Variants in WIF1 observed in about 807,000 individuals in gnomAD.
The protein encoded by WIF1 is Wnt inhibitory factor 1.
In WIF1, 35 loss-of-function variants were observed where a neutral mutation model predicts 53.5. The observed-to-expected ratio is 0.65, with a 90% CI of 0.50 to 0.87. The LOEUF (loss-of-function observed/expected upper bound fraction) is 0.87, where lower values mean the gene tolerates loss of function less well. Ranked by LOEUF, WIF1 falls within the 40% of genes least tolerant of loss-of-function variation. The probability of loss-of-function intolerance (pLI) is 0.00; values close to 1 mark genes in which losing one functional copy is unlikely to be tolerated. For missense variants in WIF1, 467 were observed against 476.8 expected (o/e 0.98, Z 0.19); for synonymous variants, 171 against 170.4 (o/e 1.00, Z -0.03).
chr12:65,087,104 C>G (rs531227221), intron 2 of WIF1, among the ~76,000 whole-genome samples: 2 of 152,140 alleles, frequency 1.3e-5, no homozygotes, highest in East Asian at 3.8e-4. Flanking sequence ...GAGCCAAGAT[C>G]GCACCACTGC....
intron 2 of WIF1, among the ~76,000 whole-genome samples, chr12:65,091,608 T>A (rs750247150): frequency 6.6e-5 from 10 of 152,088 alleles, no homozygotes; most frequent in Non-Finnish European, 1.2e-4. Context: ...TAAAATGGTA[T>A]TGTGATTAAA....
At chr12:65,072,363 A>G (rs1882797573) in intron 3 of WIF1, among the ~76,000 whole-genome samples, 1 of 152,174 alleles carries the variant, frequency 6.6e-6, no homozygotes, top group African/African-American at 2.4e-5. Context: ...CCTTGCCTAT[A>G]TAATTACATT....
chr12:65,073,805 G>T (rs1438346634), intron 3 of WIF1, among the ~76,000 whole-genome samples: 6 of 152,276 alleles, frequency 3.9e-5, no homozygotes, highest in East Asian at 1.9e-4. Context: ...ATGGTGTAAG[G>T]TTCCCATAAA....
In WIF1 at chr12:65,121,188, C is replaced by T; in HGVS notation, c.4G>A (p.Ala2Thr). The T allele has an allele frequency of 6.5e-7, 1 of 1,529,484 alleles. No homozygotes were observed. Among genetic ancestry groups the T allele is most frequent in the South Asian group, 1.2e-5 (1 of 80,490 alleles). 94.7% of individuals were successfully genotyped at this position (1,529,484 alleles called of 1,614,324 possible). The change falls in exon 1 of 10, where the codon GCC (alanine) becomes ACC (threonine). Residue 2 changes from alanine to threonine, a missense_variant. Physicochemically the swap from Ala to Thr is moderately conservative, Grantham distance 58 (BLOSUM62 0). Transcript: ENST00000286574. MARRSAFPAAAL... is the reference protein window; with the variant it reads MTRRSAFPAAAL... ...GCGGCAGGGAAGGCGCTCCTCCGGG[C>T]CATGCTGCTCAGGACCTCCTCGCTG...
intron 2 of WIF1, among the ~76,000 whole-genome samples, chr12:65,100,567 T>A (rs1883267848): frequency 6.6e-6 from 1 of 152,168 alleles, no homozygotes; most frequent in Admixed American, 6.6e-5. Flanking sequence ...CAAGAGCCCG[T>A]AGAATAATTG....
intron 2 of WIF1, among the ~76,000 whole-genome samples, chr12:65,108,972 C>A (rs1234482390): frequency 6.6e-6 from 1 of 152,174 alleles, no homozygotes; most frequent in Non-Finnish European, 1.5e-5. Flanking sequence ...TTTAAGCATT[C>A]GATGGCTCTG....
At position 65,095,107 on chromosome 12, in the gene WIF1, A is replaced by ATT. The variant is rs71096025; in HGVS notation, c.289-17255_289-17254dup. 3.9e-3 allele frequency among the ~76,000 whole-genome samples: 538 copies of ATT among 139,596 alleles called. 4 individuals are homozygous for ATT. Among genetic ancestry groups the ATT allele is most frequent in the African/African-American group, 0.013 (495 of 38,188 alleles). 91.6% of individuals were successfully genotyped at this position (139,596 alleles called of 152,430 possible). A position where few individuals can be genotyped will look rare whatever the true frequency, so the allele number is the denominator to read the frequency against. ...GCCACCACATCAGACTAATTTTTGT[A>ATT]TTTTTTTTTTTTTGTAGAGGCAGGG... is the stretch of plus-strand genomic sequence containing the variant. On this transcript the variant is annotated intron_variant, in intron 2 of 9. Transcript: ENST00000286574.
chr12:65,095,805 T>C (rs1416156732), intron 2 of WIF1: 1 of 152,180 alleles, frequency 6.6e-6, no homozygotes, highest in South Asian at 2.1e-4. Context: ...AAGGTTAGCA[T>C]GGCCCCTGTG....
chr12:65,094,531 T>C (rs1883171840), intron 2 of WIF1, among the ~76,000 whole-genome samples: 1 of 152,100 alleles, frequency 6.6e-6, no homozygotes, highest in Non-Finnish European at 1.5e-5. Flanking sequence ...GTAGCTTGAT[T>C]GCCTTCGCTT....
At chr12:65,059,973 G>C (rs962423097) in intron 7 of WIF1, among the ~76,000 whole-genome samples, 58 of 151,818 alleles carry the variant, frequency 3.8e-4, no homozygotes, top group Non-Finnish European at 7.1e-4. Flanking sequence ...ATTCTTGATA[G>C]AGGTCAGGAG....
At chr12:65,120,169 C>T (rs1342202439) in intron 2 of WIF1, among the ~76,000 whole-genome samples, 1 of 152,232 alleles carries the variant, frequency 6.6e-6, no homozygotes, top group Admixed American at 6.5e-5. Flanking sequence ...ATATTTCCAG[C>T]AGCCTCAGGA....
At chr12:65,069,649 T>G (rs966545520) in intron 3 of WIF1, among the ~76,000 whole-genome samples, 1 of 152,156 alleles carries the variant, frequency 6.6e-6, no homozygotes, top group African/African-American at 2.4e-5. Flanking sequence ...AAGCTTCTCT[T>G]TCTTGTGAGT....
At chr12:65,091,165 C>T (rs1052694989) in intron 2 of WIF1, among the ~76,000 whole-genome samples, 2 of 151,684 alleles carry the variant, frequency 1.3e-5, no homozygotes, top group Admixed American at 6.6e-5. Flanking sequence ...TTAAACTACA[C>T]CACAAAGATG....
At chr12:65,120,773 T>C (rs1883589199) in intron 1 of WIF1, 3 of 782,080 alleles carry the variant, frequency 3.8e-6, no homozygotes, top group Non-Finnish European at 5.7e-6. Context: ...GGGATGGACA[T>C]GGAGTTAACC....
intron 6 of WIF1, among the ~76,000 whole-genome samples, chr12:65,064,604 A>G (rs1046958293): frequency 6.6e-6 from 1 of 151,792 alleles, no homozygotes; most frequent in Non-Finnish European, 1.5e-5. Context: ...TTTTTTTAAT[A>G]TTCCCAGATC....
chr12:65,076,843 T>A (rs989787526), intron 3 of WIF1, among the ~76,000 whole-genome samples: 6 of 151,952 alleles, frequency 3.9e-5, no homozygotes, highest in African/African-American at 1.5e-4. Flanking sequence ...TAAAAACAAC[T>A]TTTGAAAAAA....
intron 2 of WIF1, among the ~76,000 whole-genome samples, chr12:65,084,074 G>A (rs761573759): frequency 1.3e-5 from 2 of 151,986 alleles, no homozygotes; most frequent in Non-Finnish European, 2.9e-5. Context: ...GAAGCTCAGG[G>A]TTATTGCTGT....
In WIF1 at chr12:65,084,090, A is replaced by G. The variant is rs1043790434; in HGVS notation, c.289-6236T>C. 3.3e-5 allele frequency among the ~76,000 whole-genome samples: 5 copies of G among 151,688 alleles called. No individual in the cohort carries two copies. In the East Asian group the frequency reaches 5.8e-4, roughly 18 times the overall value. On this transcript the variant is annotated intron_variant, in intron 2 of 9. Coordinates refer to ENST00000286574, the MANE Select transcript of WIF1 (RefSeq NM_007191.5). Reference sequence around the variant, plus strand: ...AAGCTCAGGGTTATTGCTGTTTCTTACCTCTATCTCATGTCCCCACAGAAA... The same window carrying G: ...AAGCTCAGGGTTATTGCTGTTTCTTGCCTCTATCTCATGTCCCCACAGAAA...
At chr12:65,075,512 C>T (rs1035316399) in intron 3 of WIF1, among the ~76,000 whole-genome samples, 4 of 152,080 alleles carry the variant, frequency 2.6e-5, no homozygotes, top group Non-Finnish European at 5.9e-5. Flanking sequence ...AGAGTAATCT[C>T]TAAACACACC....
Sources: gnomAD v4.1 joint callset for allele counts (sites outside exome capture counted in the v4.1 genomes callset) on GRCh38, gnomAD v4.1.1 for gene constraint, MANE v1.5 for transcripts, NCBI Gene and HGNC (gene_info 2026-07-23, HGNC 2026-07-21) for gene names.